TXK: variants seen among roughly 807,000 people sequenced by gnomAD.
TXK encodes tyrosine-protein kinase TXK.
A neutral mutation model predicts 81.0 loss-of-function variants in TXK; 60 were observed. That is an observed-to-expected ratio of 0.74 (90% CI 0.60 to 0.92). The LOEUF (loss-of-function observed/expected upper bound fraction) is 0.92. Ranked by LOEUF, TXK falls within the 40% of genes least tolerant of loss-of-function variation. The pLI, the probability that TXK is intolerant of heterozygous loss-of-function variation, is 0.00. For missense variants in TXK, 581 were observed against 638.3 expected (o/e 0.91, Z 0.97); for synonymous variants, 203 against 210.7 (o/e 0.96, Z 0.32).
intron 13 of TXK, among the ~76,000 whole-genome samples, chr4:48,073,564 G>A (rs1031723386): frequency 6.6e-6 from 1 of 152,164 alleles, no homozygotes; most frequent in Non-Finnish European, 1.5e-5. Context: ...TAGTCAACCT[G>A]CTTCACAGTT....
chr4:48,079,844 G>A, intron 11 of TXK, 68 bp downstream of exon 11: 1 of 1,059,096 alleles, frequency 9.4e-7, no homozygotes, highest in Admixed American at 1.9e-5. Flanking sequence ...AGTATTGAAA[G>A]TAATTGTCAC....
intron 5 of TXK, among the ~76,000 whole-genome samples, chr4:48,108,507 C>G (rs531315800): frequency 2.6e-5 from 4 of 152,168 alleles, no homozygotes; most frequent in Non-Finnish European, 4.4e-5. Flanking sequence ...AGGTTGTTCC[C>G]ATTTCTATAC....
intron 8 of TXK, among the ~76,000 whole-genome samples, 165 bp from the exon 9 acceptor site, chr4:48,089,989 T>A (rs201501311): frequency 5.1e-5 from 7 of 136,810 alleles, no homozygotes; most frequent in Non-Finnish European, 8.5e-5. Flanking sequence ...CAAAAAAAAA[T>A]ATATACTCAT....
intron 6 of TXK, among the ~76,000 whole-genome samples, chr4:48,103,631 T>A (rs1718286300): frequency 6.6e-6 from 1 of 152,238 alleles, no homozygotes; most frequent in South Asian, 2.1e-4. Context: ...TTACCTAGTT[T>A]CTAGTTCTGA....
chr4:48,084,598 G>A (rs551384930), intron 10 of TXK, among the ~76,000 whole-genome samples: 10 of 152,078 alleles, frequency 6.6e-5, no homozygotes, highest in African/African-American at 1.9e-4. Flanking sequence ...GAAAAACCAC[G>A]GTAGGATGCA....
intron 8 of TXK, among the ~76,000 whole-genome samples, chr4:48,090,848 G>A (rs181385626): frequency 1.3e-5 from 2 of 152,374 alleles, no homozygotes; most frequent in Non-Finnish European, 2.9e-5. Context: ...TTTCAGACAA[G>A]ATGACAGCTA....
intron 5 of TXK, among the ~76,000 whole-genome samples, 189 bp downstream of exon 5, chr4:48,110,348 AC>A (rs1254936222): frequency 6.6e-6 from 1 of 152,186 alleles, no homozygotes; most frequent in Non-Finnish European, 1.5e-5. Flanking sequence ...GCTATACAAA[AC>A]AGAACAAAAA....
At chr4:48,089,956 TTTGC>T in intron 8 of TXK, 132 bp from the exon 9 acceptor site, 2 of 586,084 alleles carry the variant, frequency 3.4e-6, no homozygotes, top group Admixed American at 3.1e-5. Context: ...TAGTCAGCAG[TTTGC>T]TTATTTTCCC....
At chr4:48,111,591 TC>T (rs1718635158) in intron 4 of TXK, among the ~76,000 whole-genome samples, 1 of 152,182 alleles carries the variant, frequency 6.6e-6, no homozygotes, top group Admixed American at 6.5e-5. Context: ...CACTGAAAAG[TC>T]TCCACCACAT....
chr4:48,073,091 AT>A (rs33919573), intron 13 of TXK, among the ~76,000 whole-genome samples: 6 of 136,962 alleles, frequency 4.4e-5, no homozygotes, highest in African/African-American at 1.1e-4. Flanking sequence ...CACCTGGCTA[AT>A]TTTTTTTTTT....
At position 48,096,573 on chromosome 4, in the gene TXK, T is replaced by C. The variant is rs527276142; in HGVS notation, c.502-1351A>G. ...TCTCGCTTCGTCACCCAGGCTAGAG[T>C]GCAATGGCATGATCTCGGCTCACTG... On this transcript the variant is annotated intron_variant, in intron 6 of 14. Transcript: ENST00000264316. Among the ~76,000 whole-genome samples the C allele has an allele frequency of 3.4e-4, 52 of 152,316 alleles. No homozygotes were observed. The East Asian group carries it at 0.01, about 29-fold the overall frequency.
rs572657699 is a variant in TXK, at chr4:48,122,025, C to G, written c.17-7623G>C. ...CTCATCCATCACCACCATGGATAAG[C>G]CACCATCACCTCACCTGGCTCACAC... On this transcript the variant is annotated intron_variant, in intron 1 of 14. Transcript: ENST00000264316. Among the ~76,000 whole-genome samples, 230 of 152,222 alleles carry G rather than the reference C, an allele frequency of 1.5e-3. 1 individual carries two copies. Among genetic ancestry groups the G allele is most frequent in the African/African-American group, 5.4e-3 (224 of 41,542 alleles).
At position 48,080,127 on chromosome 4, in the gene TXK, T is replaced by G; in HGVS notation, c.958A>C (p.Lys320Gln). 4 of 1,611,184 alleles carry G rather than the reference T, an allele frequency of 2.5e-6. 1 individual carries two copies. The change falls in exon 11 of 15, where the codon AAA (lysine) becomes CAA (glutamine). Residue 320 changes from lysine (K) to glutamine (Q), a missense_variant and splice_region_variant. By Grantham distance (53) the Lys-to-Gln change is moderately conservative. Coordinates refer to ENST00000264316, the MANE Select transcript of TXK (RefSeq NM_003328.3). The part of the protein sequence containing the change: ...DFIEEAKVMM[K>Q]LSHSKLVQLY... The stretch of plus-strand genomic sequence containing the variant: ...TGCACTAGCTTTGAATGAGATAATT[T>G]CCTGGTGAAGAAAAACATACACCAG...
intron 1 of TXK, among the ~76,000 whole-genome samples, chr4:48,130,015 G>A (rs565961292): frequency 6.6e-6 from 1 of 152,346 alleles, no homozygotes; most frequent in African/African-American, 2.4e-5. Context: ...GAGCTCCACA[G>A]AGGAGAAATG....
At chr4:48,085,914 G>T (rs1717510367) in intron 10 of TXK, among the ~76,000 whole-genome samples, 1 of 152,154 alleles carries the variant, frequency 6.6e-6, no homozygotes, top group Admixed American at 6.5e-5. Context: ...GATTCTTCCT[G>T]GATGCCATAC....
chr4:48,088,102 C>A (rs1269168780), intron 9 of TXK, among the ~76,000 whole-genome samples: 7 of 151,926 alleles, frequency 4.6e-5, no homozygotes, highest in Admixed American at 4.6e-4. Flanking sequence ...TAAATTTAGA[C>A]CATAATGAGA....
intron 11 of TXK, among the ~76,000 whole-genome samples, chr4:48,078,472 C>A (rs77065556): frequency 6.6e-6 from 1 of 152,160 alleles, no homozygotes; most frequent in Non-Finnish European, 1.5e-5. Flanking sequence ...ATAGACTTCT[C>A]CAATTCTCAT....
chr4:48,101,134 TACTC>T (rs1718176895), intron 6 of TXK, among the ~76,000 whole-genome samples: 1 of 152,058 alleles, frequency 6.6e-6, no homozygotes, highest in South Asian at 2.1e-4. Flanking sequence ...CACGTGAACA[TACTC>T]ACTATTGAAA....
intron 13 of TXK, among the ~76,000 whole-genome samples, chr4:48,072,223 C>T (rs1464038765): frequency 6.6e-6 from 1 of 152,144 alleles, no homozygotes; most frequent in Non-Finnish European, 1.5e-5. Context: ...AGGCTGGTCT[C>T]GAGCTCTGAC....
Sources: allele counts gnomAD v4.1 joint callset (sites outside exome capture counted in the v4.1 genomes callset), GRCh38; gene constraint gnomAD v4.1.1; transcripts MANE v1.5; gene names NCBI Gene and HGNC (gene_info 2026-07-23, HGNC 2026-07-21).